The following IFT122 variants were observed in gnomAD, a reference collection of about 807,000 sequenced individuals.
The protein encoded by IFT122 is intraflagellar transport 122.
A neutral mutation model predicts 161.6 loss-of-function variants in IFT122; 118 were observed. That is an observed-to-expected ratio of 0.73 (90% CI 0.63 to 0.85). The LOEUF (loss-of-function observed/expected upper bound fraction) is 0.85, where lower values mean the gene tolerates loss of function less well. Ranked by LOEUF, IFT122 falls within the 40% of genes least tolerant of loss-of-function variation. IFT122 has a pLI of 0.00. For synonymous variants in IFT122, 550 were observed against 602.4 expected (o/e 0.91, Z 1.27); for missense variants, 1,381 against 1,579.6 (o/e 0.87, Z 2.13).
intron 3 of IFT122, among the ~76,000 whole-genome samples, chr3:129,454,840 C>T (rs1295439386): frequency 1.3e-5 from 2 of 152,138 alleles, no homozygotes; most frequent in African/African-American, 4.8e-5. Context: ...TTGCAGAGTC[C>T]TGTCACACAC....
intron 15 of IFT122, chr3:129,487,818 A>G (rs1359775790): frequency 6.3e-6 from 2 of 315,552 alleles, no homozygotes; most frequent in Non-Finnish European, 6.2e-6. Context: ...TGCGATCTGG[A>G]CAAAGGGCAG....
intron 13 of IFT122, among the ~76,000 whole-genome samples, chr3:129,481,065 A>T (rs1209500920): frequency 6.6e-6 from 1 of 152,108 alleles, no homozygotes; most frequent in Non-Finnish European, 1.5e-5. Context: ...CCTTATCTCT[A>T]AAAAAAATTT....
intron 2 of IFT122, among the ~76,000 whole-genome samples, chr3:129,450,894 G>T (rs1443151128): frequency 6.6e-6 from 1 of 151,614 alleles, no homozygotes; most frequent in Admixed American, 6.6e-5. Flanking sequence ...CTAATTTTTT[G>T]TATTTTTAGT....
At chr3:129,519,843 C>A in intron 29 of IFT122, 111 bp downstream of exon 29, 1 of 1,290,582 alleles carries the variant, frequency 7.7e-7, no homozygotes, top group Non-Finnish European at 1.1e-6. Flanking sequence ...TCCATGGCTC[C>A]AAGTTGGGAC....
At position 129,458,625 on chromosome 3, in the gene IFT122, G is replaced by T; in HGVS notation, c.220G>T (p.Asp74Tyr). 1 of 1,614,092 alleles carries T rather than the reference G, an allele frequency of 6.2e-7. No individual in the cohort carries two copies. Among genetic ancestry groups the T allele is most frequent in the South Asian group, 1.1e-5 (1 of 91,074 alleles). The change falls in exon 4 of 30, where the codon GAC becomes TAC. Residue 74 changes from aspartate (D) to tyrosine (Y), a missense_variant. Asp to Tyr is a radical substitution (Grantham distance 160). Coordinates refer to ENST00000348417, the MANE Select transcript of IFT122 (RefSeq NM_052989.3). ...CAAGCGCTTTGCTTCTGGATCAGCT[G>T]ACAAAAGCGTTATTATCTGGACATC... ...DGKRFASGSA[D>Y]KSVIIWTSKL...
intron 8 of IFT122, among the ~76,000 whole-genome samples, chr3:129,468,896 C>T (rs533697759): frequency 6.6e-6 from 1 of 152,362 alleles, no homozygotes; most frequent in Admixed American, 6.5e-5. Context: ...TTTCTTTCTT[C>T]AGGAAGAGCA....
Position 129,517,598 on chromosome 3 carries a change from T to A in IFT122, c.3391+4T>A, listed in dbSNP as rs2084138572. On this transcript the variant is annotated splice_donor_region_variant and intron_variant, in intron 27 of 29. Coordinates refer to ENST00000348417, the MANE Select transcript of IFT122 (RefSeq NM_052989.3). The stretch of plus-strand genomic sequence containing the variant: ...CAGCTAGAGATTGCAAACAACAGTA[T>A]CCATGCCCTTGGCCAGAGCCTGTGT... 6.2e-7 allele frequency: 1 copy of A among 1,612,726 alleles called. No homozygotes were observed. The highest frequency in any genetic ancestry group is 1.1e-5 in the South Asian group (1 of 91,064).
chr3:129,510,425 C>T (rs2082692924), intron 23 of IFT122, among the ~76,000 whole-genome samples: 1 of 152,202 alleles, frequency 6.6e-6, no homozygotes, highest in Non-Finnish European at 1.5e-5. Flanking sequence ...CAAGGGACCT[C>T]ATCTTCCCTT....
Position 129,502,804 on chromosome 3 carries a change from TG to T in IFT122, c.2470del (p.Ala824LeufsTer6), listed in dbSNP as rs1369303783. Reference protein sequence around the residue: ...YLKKLDSPGYAAETYLKMGDL... With the variant: ...YLKKLDSPGYXAETYLKMGDL... The stretch of plus-strand genomic sequence containing the variant: ...TCAAGAAGCTGGACAGCCCTGGCTA[TG>T]CTGCTGAGACCTACCTGAAGATGGG... On this transcript the variant is annotated frameshift_variant, in exon 20 of 30. Transcript: ENST00000348417. LOFTEE classifies it high-confidence loss of function. The T allele has an allele frequency of 6.2e-7, 1 of 1,613,198 alleles. No individual in the cohort carries two copies. Among genetic ancestry groups the T allele is most frequent in the Non-Finnish European group, 8.5e-7 (1 of 1,180,042 alleles).
At chr3:129,459,740 CCCT>C (rs2076017623) in intron 4 of IFT122, among the ~76,000 whole-genome samples, 2 of 106,652 alleles carry the variant, frequency 1.9e-5, no homozygotes, top group African/African-American at 1.0e-4. Flanking sequence ...CTCCCTCCCT[CCCT>C]TCTTCCTTCC....
chr3:129,486,931 G>A (rs747985469), intron 15 of IFT122, among the ~76,000 whole-genome samples: 2 of 152,180 alleles, frequency 1.3e-5, no homozygotes, highest in Non-Finnish European at 2.9e-5. Context: ...AGCATTTAAT[G>A]TGCCAATGAG....
At chr3:129,459,632 CCT>C (rs2075966511) in intron 4 of IFT122, among the ~76,000 whole-genome samples, 2 of 142,826 alleles carry the variant, frequency 1.4e-5, no homozygotes, top group African/African-American at 2.7e-5. Context: ...TTCCTTCCTT[CCT>C]TCCCTCCCTC....
chr3:129,520,184 T>G lies in IFT122; in HGVS notation c.3645T>G (p.His1215Gln). ...TMCPSCFQMF[H>Q]SEDYELLVLQ... is the part of the protein sequence containing the mutation. Reference sequence around the variant, plus strand: ...CAGCTGTCTTCCCTTAGATGTTCCATTCTGAGGACTATGAGTTGCTGGTGC... The same window carrying G: ...CAGCTGTCTTCCCTTAGATGTTCCAGTCTGAGGACTATGAGTTGCTGGTGC... Residue 1215 changes from histidine to glutamine, a missense_variant, in exon 30 of 30, where the codon CAT becomes CAG. By Grantham distance (24) the His-to-Gln change is conservative (BLOSUM62 0). This residue lies in a region of IFT122 where 177 missense variants were observed against 199.2 expected (regional missense o/e 0.89). Transcript: ENST00000348417. 2 of 1,611,448 alleles carry G rather than the reference T, an allele frequency of 1.2e-6. No homozygotes were observed. Among genetic ancestry groups the G allele is most frequent in the Non-Finnish European group, 1.7e-6 (2 of 1,179,318 alleles).
At chr3:129,474,142 GGTGTAAGGGAAT>G (rs1463398507) in intron 9 of IFT122, among the ~76,000 whole-genome samples, 1 of 152,152 alleles carries the variant, frequency 6.6e-6, no homozygotes, top group African/African-American at 2.4e-5. Context: ...AGTTTAAATT[GGTGTAAGGGAAT>G]TAATTTAACT....
In IFT122 at chr3:129,520,500, TACTTTC is replaced by T. The variant is rs2084614594; in HGVS notation, c.*237_*242del. 10 of 604,684 alleles carry T rather than the reference TACTTTC, an allele frequency of 1.7e-5. No homozygotes were observed. In the East Asian group the frequency reaches 2.8e-4, roughly 17 times the overall value. The allele number at this position is 604,684 out of a possible 1,614,324, so 37.5% of individuals were successfully genotyped here. On this transcript the variant is annotated 3_prime_UTR_variant, in exon 30 of 30. Transcript: ENST00000348417. Reference sequence around the variant, plus strand: ...ATATTTTCTAAGGAAAAAAATCTGTTACTTTCAGAACGGCTCCGAGTTGTTCGTGGC... The same window carrying T: ...ATATTTTCTAAGGAAAAAAATCTGTTAGAACGGCTCCGAGTTGTTCGTGGC...
intron 24 of IFT122, 47 bp from the exon 25 acceptor site, chr3:129,514,342 C>T (rs768326564): frequency 2.7e-5 from 43 of 1,607,674 alleles, no homozygotes; most frequent in Non-Finnish European, 3.3e-5. Context: ...AGTGCCAGCT[C>T]CTGGGCCTGG....
intron 13 of IFT122, among the ~76,000 whole-genome samples, chr3:129,480,269 G>C (rs1044889370): frequency 6.6e-6 from 1 of 152,214 alleles, no homozygotes; most frequent in African/African-American, 2.4e-5. Flanking sequence ...ACCTAGGTCA[G>C]CTCCTGATTA....
At position 129,464,742 on chromosome 3, in the gene IFT122, C is replaced by T. The variant is rs777645844; in HGVS notation, c.524C>T (p.Ser175Phe). The change falls in exon 7 of 30, where the codon TCC becomes TTC. Residue 175 changes from serine to phenylalanine, a missense_variant. Around this residue, in one of 7 missense-constraint regions of IFT122, gnomAD observed 544 missense variants for 648.0 expected, o/e 0.84. Coordinates refer to ENST00000348417, the MANE Select transcript of IFT122 (RefSeq NM_052989.3). ...EKVKIERPGGSLSPIWSICWN... is the reference protein window; with the variant it reads ...EKVKIERPGGFLSPIWSICWN... ...GTAAAGATCGAGCGGCCGGGGGGCT[C>T]CCTCTCGCCAATATGGTCCATCTGC... The T allele has an allele frequency of 9.4e-5, 152 of 1,613,954 alleles. No homozygotes were observed. Among genetic ancestry groups the T allele is most frequent in the Non-Finnish European group, 1.2e-4 (140 of 1,180,016 alleles).
chr3:129,466,190 C>T (rs1346890816), intron 7 of IFT122, among the ~76,000 whole-genome samples: 1 of 152,138 alleles, frequency 6.6e-6, no homozygotes, highest in African/African-American at 2.4e-5. Flanking sequence ...ACGAAAGGTC[C>T]TACTTGTTTA....
Sources: gnomAD v4.1 joint callset for allele counts (sites outside exome capture counted in the v4.1 genomes callset) on GRCh38, gnomAD v4.1.1 for gene constraint, gnomAD v4.1.1 regional missense constraint, MANE v1.5 for transcripts, NCBI Gene and HGNC (gene_info 2026-07-23, HGNC 2026-07-21) for gene names.